Variants in ACLY observed in about 807,000 individuals in gnomAD.
ACLY encodes the protein ATP citrate lyase, also known as ATP-citrate synthase.
A neutral mutation model predicts 133.0 loss-of-function variants in ACLY; 41 were observed. The observed-to-expected ratio is 0.31, with a 90% CI of 0.24 to 0.40. The LOEUF is 0.40. Ranked by LOEUF, ACLY falls within the 10% of genes least tolerant of loss-of-function variation. The pLI, the probability that ACLY is intolerant of heterozygous loss-of-function variation, is 1.00. For missense variants in ACLY, 1,046 were observed against 1,453.8 expected (o/e 0.72, Z 4.56); for synonymous variants, 495 against 549.3 (o/e 0.90, Z 1.38).
Position 41,886,307 on chromosome 17 carries a change from A to C in ACLY, c.1877T>G (p.Val626Gly). ...AAAGCACCCAGGCTTGATGCCTCCA[A>C]CCTGTGGGGGCAGAAACCACAATCA... ...KGVTIIGPAT[V>G]GGIKPGCFKI... is the part of the protein sequence containing the mutation. The change falls in exon 18 of 29, where the codon GTT becomes GGT. Residue 626 changes from valine (V) to glycine (G), a missense_variant and splice_region_variant. Physicochemically the swap from Val to Gly is moderately radical, Grantham distance 109. Around this residue, in one of 4 missense-constraint regions of ACLY, gnomAD observed 575 missense variants for 804.2 expected, o/e 0.71. Transcript: ENST00000352035. 6.2e-7 allele frequency: 1 copy of C among 1,601,826 alleles called. No homozygotes were observed. The highest frequency in any genetic ancestry group is 1.7e-5 in the Admixed American group (1 of 59,204).
chr17:41,885,450 T>A (rs1428930077), intron 18 of ACLY, among the ~76,000 whole-genome samples: 2 of 152,198 alleles, frequency 1.3e-5, no homozygotes, highest in Admixed American at 1.3e-4. Flanking sequence ...GTAGGAATAA[T>A]AAACAATAAT....
rs533387140 is a variant in ACLY, at chr17:41,889,524, CAAAAAAAAAAAAAAAAA to C, written c.1771-1838_1771-1822del. ...GGTGATGGAGAAAGGCTCCATTTCACAAAAAAAAAAAAAAAAAAAAAAAAAAAAAAAAGAAGTAGCTC... is the reference window on the plus strand; with the variant it reads ...GGTGATGGAGAAAGGCTCCATTTCACAAAAAAAAAAAAAAAGAAGTAGCTC... On this transcript the variant is annotated intron_variant, in intron 16 of 28. Coordinates refer to ENST00000352035, the MANE Select transcript of ACLY (RefSeq NM_001096.3). Among the ~76,000 whole-genome samples, 81 of 31,614 alleles carry C rather than the reference CAAAAAAAAAAAAAAAAA, an allele frequency of 2.6e-3. 3 individuals carry two copies. The highest frequency in any genetic ancestry group is 0.012 in the Admixed American group (19 of 1,580). The allele number at this position is 31,614 out of a possible 152,430, so 20.7% of individuals were successfully genotyped here.
At chr17:41,918,478 C>T (rs1555634872) in intron 1 of ACLY, among the ~76,000 whole-genome samples, 1 of 152,266 alleles carries the variant, frequency 6.6e-6, no homozygotes, top group Non-Finnish European at 1.5e-5. Context: ...CTCTACTTCC[C>T]GTCCCGGCAT....
chr17:41,919,694 G>C (rs2050152037), upstream of ACLY, among the ~76,000 whole-genome samples: 1 of 151,926 alleles, frequency 6.6e-6, no homozygotes, highest in Admixed American at 6.5e-5. Flanking sequence ...AGATTCCAGC[G>C]AAGGGCTGGA....
rs782008294 is a variant in ACLY at position 41,869,135 on chromosome 17, CA to C, written c.3052-11del. On this transcript the variant is annotated splice_polypyrimidine_tract_variant and intron_variant, in intron 26 of 28. Transcript: ENST00000352035. ...GGATAAGATTTGGCTTCTGGGAAGG[CA>C]AAAAAATTCAAAGCATTTATCATTA... 1.9e-6 allele frequency: 3 copies of C among 1,596,056 alleles called. No homozygotes were observed. Among genetic ancestry groups the C allele is most frequent in the African/African-American group, 1.3e-5 (1 of 74,088 alleles).
In ACLY at chr17:41,893,171, T is replaced by C. The variant is rs1555629703; in HGVS notation, c.1463A>G (p.Lys488Arg). The C allele has an allele frequency of 6.2e-7, 1 of 1,611,846 alleles. No individual in the cohort carries two copies. The highest frequency in any genetic ancestry group is 2.2e-5 in the East Asian group (1 of 44,778). ...GTGGCGGCTGAAGAGGGTGGTGCTC[T>C]TTCCTGGTGGGCAAAGACACAGAGA... ...SVPSPRSLQG[K>R]STTLFSRHTK... Residue 488 changes from lysine to arginine, a missense_variant, in exon 15 of 29, where the codon AAG becomes AGG. By Grantham distance (26) the Lys-to-Arg change is conservative. This residue lies in a region of ACLY where 575 missense variants were observed against 804.2 expected (regional missense o/e 0.71). Coordinates refer to ENST00000352035, the MANE Select transcript of ACLY (RefSeq NM_001096.3).
At position 41,912,467 on chromosome 17, in the gene ACLY, C is replaced by T; in HGVS notation, c.235G>A (p.Asp79Asn). ...LGLVGVNLTLDGVKSWLKPRL... is the reference protein window; with the variant it reads ...LGLVGVNLTLNGVKSWLKPRL... ...GGCTTCAGCCAGGACTTGACCCCAT[C>T]CAGAGTGAGGTTGACCCCAACGAGA... The change falls in exon 3 of 29, where the codon GAT becomes AAT. Residue 79 changes from aspartate to asparagine, a missense_variant. Asp to Asn is a conservative substitution (Grantham distance 23). Coordinates refer to ENST00000352035, the MANE Select transcript of ACLY (RefSeq NM_001096.3). The T allele has an allele frequency of 6.2e-7, 1 of 1,614,234 alleles. No homozygotes were observed. Among genetic ancestry groups the T allele is most frequent in the Non-Finnish European group, 8.5e-7 (1 of 1,180,036 alleles).
chr17:41,887,127 GAAAAAAA>G (rs535668437), intron 17 of ACLY, among the ~76,000 whole-genome samples: 88 of 110,374 alleles, frequency 8.0e-4, no homozygotes, highest in African/African-American at 3.2e-3. Context: ...CCGTCTCAAA[GAAAAAAA>G]AAAAAAAAAA....
chr17:41,871,066 A>G (rs894026525), intron 25 of ACLY, among the ~76,000 whole-genome samples: 1 of 152,192 alleles, frequency 6.6e-6, no homozygotes, highest in Non-Finnish European at 1.5e-5. Flanking sequence ...AAGGTGACCA[A>G]TATGTCCCCT....
chr17:41,895,025 A>AC (rs1221777446), intron 14 of ACLY, among the ~76,000 whole-genome samples: 2 of 151,700 alleles, frequency 1.3e-5, no homozygotes, highest in African/African-American at 4.8e-5. Flanking sequence ...TGTCACCTAG[A>AC]CCCCCCGGGT....
upstream of ACLY, among the ~76,000 whole-genome samples, chr17:41,921,072 G>T: frequency 6.7e-6 from 1 of 150,030 alleles, no homozygotes; most frequent in African/African-American, 2.5e-5. Context: ...GTTGCAGTGA[G>T]CCGAGATCGC....
At chr17:41,878,530 C>T (rs1421843072) in intron 21 of ACLY, among the ~76,000 whole-genome samples, 1 of 152,060 alleles carries the variant, frequency 6.6e-6, no homozygotes, top group Non-Finnish European at 1.5e-5. Flanking sequence ...TCATGTGGCG[C>T]TCTCATCTAT....
At position 41,909,169 on chromosome 17, in the gene ACLY, A is replaced by G. The variant is rs1314256543; in HGVS notation, c.537-101T>C. 4.4e-6 allele frequency: 4 copies of G among 909,358 alleles called. No individual in the cohort carries two copies. In the African/African-American group the frequency reaches 6.5e-5, roughly 15 times the overall value. The allele number at this position is 909,358 out of a possible 1,614,324, so 56.3% of individuals were successfully genotyped here. A position where few individuals can be genotyped will look rare whatever the true frequency, so the allele number is the denominator to read the frequency against. Reference sequence around the variant, plus strand: ...ATCTCTCACTGCCACCGACAGCTCCATTTCCCTAAACGCACCCCACTGGCC... The same window carrying G: ...ATCTCTCACTGCCACCGACAGCTCCGTTTCCCTAAACGCACCCCACTGGCC... On this transcript the variant is annotated intron_variant, in intron 5 of 28. Transcript: ENST00000352035.
intron 12 of ACLY, 22 bp downstream of exon 12, chr17:41,898,609 G>A: frequency 6.2e-7 from 1 of 1,611,984 alleles, no homozygotes; most frequent in Non-Finnish European, 8.5e-7. Flanking sequence ...TTCCTGTAAG[G>A]TTTGGGGAGG....
chr17:41,898,648 C>T lies in ACLY; in HGVS notation c.1321G>A (p.Ala441Thr), dbSNP rs999256485. 11 of 1,613,458 alleles carry T rather than the reference C, an allele frequency of 6.8e-6. No homozygotes were observed. Among genetic ancestry groups the T allele is most frequent in the East Asian group, 4.5e-5 (2 of 44,878 alleles). The change falls in exon 12 of 29, where the codon GCC becomes ACC. Residue 441 changes from alanine to threonine, a missense_variant. Ala to Thr is a moderately conservative substitution (Grantham distance 58, BLOSUM62 0). Transcript: ENST00000352035. ...AAHTANFLLN[A>T]SGSTSTPAPS... Reference sequence around the variant, plus strand: ...GAACCTACCGATGTGCTCCCGCTGGCGTTGAGGAGGAAGTTTGCAGTGTGG... The same window carrying T: ...GAACCTACCGATGTGCTCCCGCTGGTGTTGAGGAGGAAGTTTGCAGTGTGG...
chr17:41,913,823 C>T lies in ACLY; in HGVS notation c.51G>A (p.Lys17=). The T allele has an allele frequency of 6.2e-7, 1 of 1,614,188 alleles. No individual in the cohort carries two copies. Among genetic ancestry groups the T allele is most frequent in the East Asian group, 2.2e-5 (1 of 44,878 alleles). ...SEQTGKELLY[K]FICTTSAIQN... ...GGATGGCTGAGGTGGTACAGATGAA[C>T]TTGTAAAGGAGTTCTTTGCCCGTCT... Residue 17 remains lysine, a synonymous_variant, in exon 2 of 29, where the codon AAG becomes AAA. Transcript: ENST00000352035.
chr17:41,878,691 C>A, intron 21 of ACLY, 106 bp downstream of exon 21: 7 of 1,411,798 alleles, frequency 5.0e-6, no homozygotes, highest in Non-Finnish European at 6.8e-6. Context: ...CGCTAGACAC[C>A]GAGAGGGACC....
At chr17:41,924,176 G>A (rs1369539379) in intron 1 of ACLY, among the ~76,000 whole-genome samples, 1 of 149,776 alleles carries the variant, frequency 6.7e-6, no homozygotes, top group Non-Finnish European at 1.5e-5. Context: ...ACTGAGTCTC[G>A]CTCTGTCACC....
chr17:41,872,244 A>ATCTCCC (rs1449722026), intron 23 of ACLY, 62 bp from the exon 24 acceptor site: 104 of 1,522,294 alleles, frequency 6.8e-5, no homozygotes, highest in Non-Finnish European at 8.5e-5. Context: ...ACTTTCCCCC[A>ATCTCCC]TCTCCCTAAA....
Sources: gnomAD v4.1 joint callset for allele counts (sites outside exome capture counted in the v4.1 genomes callset) on GRCh38, gnomAD v4.1.1 for gene constraint, gnomAD v4.1.1 regional missense constraint, MANE v1.5 for transcripts, NCBI Gene and HGNC (gene_info 2026-07-23, HGNC 2026-07-21) for gene names.